PTPRK: variants seen among roughly 807,000 people sequenced by gnomAD.
The protein encoded by PTPRK is receptor-type tyrosine-protein phosphatase kappa.
In PTPRK, 75 loss-of-function variants were observed where a neutral mutation model predicts 178.0. The ratio of observed to expected loss-of-function variants is 0.42; its 90% confidence interval spans 0.35 to 0.51. The LOEUF (loss-of-function observed/expected upper bound fraction) is 0.51, where lower values mean the gene tolerates loss of function less well. Among genes scored for constraint, PTPRK ranks in the 20% least tolerant of loss-of-function variants. PTPRK has a pLI of 0.02. For missense variants in PTPRK, 1,441 were observed against 1,797.8 expected, an observed-to-expected ratio of 0.80 and a Z score of 3.59; for synonymous variants, 637 against 620.6, an observed-to-expected ratio of 1.03 and a Z score of -0.39.
chr6:128,278,123 TTTTATTTATTTATTTATTTATTTA>T (rs201597116), intron 3 of PTPRK, among the ~76,000 whole-genome samples: 2 of 143,658 alleles, frequency 1.4e-5, no homozygotes, highest in African/African-American at 5.2e-5. Context: ...TTTTTGTGTT[TTTTATTTATTTATTTATTTATTTA>T]TTTATTTATT....
intron 7 of PTPRK, among the ~76,000 whole-genome samples, chr6:128,161,660 A>G (rs1798727851): frequency 1.3e-5 from 2 of 151,774 alleles, no homozygotes; most frequent in Non-Finnish European, 1.5e-5. Context: ...AGACAAGGGT[A>G]TATGTGGGTG....
chr6:128,500,319 A>C (rs1855357582), intron 1 of PTPRK, among the ~76,000 whole-genome samples: 1 of 152,014 alleles, frequency 6.6e-6, no homozygotes, highest in Non-Finnish European at 1.5e-5. Context: ...TGCTCTAAAA[A>C]TGGGTCATCC....
At chr6:128,036,885 C>T (rs1182521825) in intron 13 of PTPRK, among the ~76,000 whole-genome samples, 1 of 152,066 alleles carries the variant, frequency 6.6e-6, no homozygotes, top group African/African-American at 2.4e-5. Context: ...GCATGCACCA[C>T]CATGCCCAGC....
intron 3 of PTPRK, among the ~76,000 whole-genome samples, chr6:128,257,884 A>C (rs1436536476): frequency 6.6e-6 from 1 of 152,072 alleles, no homozygotes; most frequent in Admixed American, 6.6e-5. Context: ...GCGTGTCACC[A>C]AAAAAACCAA....
intron 3 of PTPRK, among the ~76,000 whole-genome samples, chr6:128,251,956 C>T: frequency 6.6e-6 from 1 of 152,154 alleles, no homozygotes; most frequent in Non-Finnish European, 1.5e-5. Context: ...GCATGAAAAG[C>T]AGCTAGAGCA....
At chr6:128,005,552 C>G (rs958880235) in intron 14 of PTPRK, among the ~76,000 whole-genome samples, 13 of 149,522 alleles carry the variant, frequency 8.7e-5, no homozygotes, top group Admixed American at 4.0e-4. Flanking sequence ...ATAAATACCT[C>G]CTTACTAGAG....
intron 9 of PTPRK, 36 bp downstream of exon 9, chr6:128,083,679 T>C: frequency 7.5e-7 from 1 of 1,334,960 alleles, no homozygotes; most frequent in Non-Finnish European, 1.0e-6. Flanking sequence ...AGTCCTTCAA[T>C]CCACATTTCA....
At chr6:128,053,577 C>A (rs1161754495) in intron 13 of PTPRK, among the ~76,000 whole-genome samples, 1 of 152,154 alleles carries the variant, frequency 6.6e-6, no homozygotes, top group Non-Finnish European at 1.5e-5. Flanking sequence ...TGATGTTCTA[C>A]TCACCCTAGT....
At chr6:128,499,611 G>A (rs1010697153) in intron 1 of PTPRK, among the ~76,000 whole-genome samples, 5 of 152,190 alleles carry the variant, frequency 3.3e-5, no homozygotes, top group African/African-American at 1.2e-4. Context: ...AGCTTATAAA[G>A]TTGTGTGAAT....
chr6:128,459,848 T>G (rs560154414), intron 1 of PTPRK, among the ~76,000 whole-genome samples: 21 of 152,164 alleles, frequency 1.4e-4, no homozygotes, highest in Non-Finnish European at 3.1e-4. Context: ...TGGCTCAGGA[T>G]CCCACAAGTT....
At chr6:128,334,000 G>A (rs1335473376) in intron 2 of PTPRK, among the ~76,000 whole-genome samples, 2 of 152,272 alleles carry the variant, frequency 1.3e-5, no homozygotes, top group African/African-American at 2.4e-5. Context: ...AGAGAACAGG[G>A]AGGGCTGAGG....
chr6:128,064,826 C>A, intron 12 of PTPRK, 32 bp from the exon 13 acceptor site: 1 of 1,556,818 alleles, frequency 6.4e-7, no homozygotes, highest in South Asian at 1.2e-5. Context: ...AAAAAAGAGT[C>A]AATGTACAGA....
intron 3 of PTPRK, among the ~76,000 whole-genome samples, chr6:128,308,937 A>C (rs891442218): frequency 4.6e-5 from 7 of 152,174 alleles, no homozygotes; most frequent in African/African-American, 1.7e-4. Flanking sequence ...TGGAGAAAAG[A>C]ATCAAAGATT....
intron 13 of PTPRK, among the ~76,000 whole-genome samples, chr6:128,048,014 G>T (rs914713079): frequency 2.0e-5 from 3 of 152,062 alleles, no homozygotes; most frequent in Non-Finnish European, 4.4e-5. Context: ...ATGAGTTGGG[G>T]GTTGTCCTTC....
chr6:128,394,763 G>A (rs1056166693), intron 2 of PTPRK, among the ~76,000 whole-genome samples: 1 of 152,070 alleles, frequency 6.6e-6, no homozygotes, highest in Non-Finnish European at 1.5e-5. Flanking sequence ...ATGATTGATG[G>A]TACTGTATCT....
intron 13 of PTPRK, among the ~76,000 whole-genome samples, chr6:128,044,080 T>A (rs993840063): frequency 2.8e-4 from 42 of 152,130 alleles, no homozygotes; most frequent in African/African-American, 9.9e-4. Context: ...TTCTACTATA[T>A]CAAATCCAAC....
rs1475530494 is a variant in PTPRK at position 127,995,470 on chromosome 6, A to G, written c.2836T>C (p.Tyr946His). 1.9e-6 allele frequency: 3 copies of G among 1,589,936 alleles called. No homozygotes were observed. The highest frequency in any genetic ancestry group is 2.2e-5 in the South Asian group (2 of 89,650). The change falls in exon 18 of 30, where the codon TAT becomes CAT. Residue 946 changes from tyrosine (Y) to histidine (H), a missense_variant. Tyr to His is a moderately conservative substitution (Grantham distance 83). Coordinates refer to ENST00000368226, the MANE Select transcript of PTPRK (RefSeq NM_002844.4). ...ACTATAAAAATACTTACATCAATAT[A>G]GTTGGCATTAATATAATCTGAGGAA... ...DPSSDYINAN[Y>H]IDGYQRPSHY...
intron 7 of PTPRK, among the ~76,000 whole-genome samples, chr6:128,164,783 A>C (rs1236484227): frequency 6.6e-6 from 1 of 151,224 alleles, no homozygotes; most frequent in Admixed American, 6.6e-5. Flanking sequence ...AGGGGAAAAG[A>C]ACACTTGAAA....
At chr6:128,057,731 A>T (rs1780138175) in intron 13 of PTPRK, among the ~76,000 whole-genome samples, 1 of 152,178 alleles carries the variant, frequency 6.6e-6, no homozygotes, top group Admixed American at 6.5e-5. Context: ...AGTCGTAGCC[A>T]TGAGAACAGG....
Sources: gnomAD v4.1 joint callset for allele counts (sites outside exome capture counted in the v4.1 genomes callset) on GRCh38, gnomAD v4.1.1 for gene constraint, MANE v1.5 for transcripts, NCBI Gene and HGNC (gene_info 2026-07-23, HGNC 2026-07-21) for gene names.